Variants in CHST15 observed in about 807,000 individuals in gnomAD.
The protein encoded by CHST15 is carbohydrate sulfotransferase 15.
A neutral mutation model predicts 53.6 loss-of-function variants in CHST15; 30 were observed. The observed-to-expected ratio is 0.56, with a 90% confidence interval of 0.42 to 0.76. CHST15 has a LOEUF of 0.76. Ranked by LOEUF, CHST15 falls within the 30% of genes least tolerant of loss-of-function variation. The pLI is 0.00. For synonymous variants in CHST15, 296 were observed against 289.8 expected (o/e 1.02, Z -0.22); for missense variants, 627 against 740.5 (o/e 0.85, Z 1.78).
At chr10:124,023,846 GTT>G (rs35613050) in intron 5 of CHST15, among the ~76,000 whole-genome samples, 39 of 143,236 alleles carry the variant, frequency 2.7e-4, no homozygotes, top group East Asian at 1.3e-3. Context: ...TTCCGTCTTC[GTT>G]TTTTTTTTTT....
chr10:124,056,971 T>C (rs1948405901), intron 1 of CHST15, among the ~76,000 whole-genome samples: 1 of 151,384 alleles, frequency 6.6e-6, no homozygotes, highest in South Asian at 2.1e-4. Context: ...GGACACACTT[T>C]GACCCAGGCC....
At chr10:124,079,566 G>C (rs1025349639) in intron 1 of CHST15, among the ~76,000 whole-genome samples, 2 of 152,228 alleles carry the variant, frequency 1.3e-5, no homozygotes, top group African/African-American at 4.8e-5. Flanking sequence ...GTTAACAGCA[G>C]GACCTGGGAT....
intron 5 of CHST15, among the ~76,000 whole-genome samples, chr10:124,030,020 G>A (rs981190579): frequency 1.3e-5 from 2 of 152,204 alleles, no homozygotes; most frequent in African/African-American, 2.4e-5. Context: ...ACAATCATGT[G>A]GGAATACACA....
At chr10:124,081,137 T>C (rs934408269) in intron 1 of CHST15, among the ~76,000 whole-genome samples, 1 of 152,234 alleles carries the variant, frequency 6.6e-6, no homozygotes, top group South Asian at 2.1e-4. Flanking sequence ...TCAGGGAATC[T>C]GAACATGAAA....
At chr10:124,050,596 C>A (rs541433076) in intron 1 of CHST15, among the ~76,000 whole-genome samples, 1 of 152,170 alleles carries the variant, frequency 6.6e-6, no homozygotes, top group Non-Finnish European at 1.5e-5. Flanking sequence ...ATTGTCAGTG[C>A]CCCCTGGGGT....
rs565088789 is a variant in CHST15 at position 124,019,579 on chromosome 10, G to A, written c.1347+1677C>T. The A allele has an allele frequency of 3.8e-5, 7 of 186,270 alleles. No homozygotes were observed. The highest frequency in any genetic ancestry group is 9.5e-5 in the African/African-American group (4 of 42,022). 11.5% of individuals were successfully genotyped at this position (186,270 alleles called of 1,614,324 possible). A position where few individuals can be genotyped will look rare whatever the true frequency, so the allele number is the denominator to read the frequency against. ...AAGCACAAACACGCACAGGTTTCCC[G>A]TTTCTCCGGGTCTCCGTTTCCTTAT... is the stretch of plus-strand genomic sequence containing the variant. On this transcript the variant is annotated intron_variant, in intron 6 of 7. Coordinates refer to ENST00000435907, the MANE Select transcript of CHST15 (RefSeq NM_001270764.2). This position sits in a 1 kb window ranked among gnomAD's most constrained non-coding sequence, Gnocchi z 4.6.
At chr10:124,038,414 T>G in intron 5 of CHST15, 101 bp downstream of exon 5, 1 of 1,429,282 alleles carries the variant, frequency 7.0e-7, no homozygotes, top group Non-Finnish European at 9.7e-7. Context: ...CCTGTTTAAT[T>G]TTTTCTAAAG....
intron 3 of CHST15, among the ~76,000 whole-genome samples, chr10:124,044,250 C>T (rs1387995877): frequency 6.6e-6 from 1 of 151,918 alleles, no homozygotes; most frequent in African/African-American, 2.4e-5. Flanking sequence ...AGCCAAGAGC[C>T]CGGATCACGC....
rs1250855857 is a variant in CHST15, at chr10:124,036,588, T to A, written c.1190+1927A>T. On this transcript the variant is annotated intron_variant, in intron 5 of 7. Coordinates refer to ENST00000435907, the MANE Select transcript of CHST15 (RefSeq NM_001270764.2). This position sits in a 1 kb window ranked among gnomAD's most constrained non-coding sequence, Gnocchi z 5.1. ...TCAGAAGTGTGACCAGAGCAGACTT[T>A]AAAGCATGTTTCTGGGGGGCAACAA... is the stretch of plus-strand genomic sequence containing the variant. Among the ~76,000 whole-genome samples, 3 of 151,982 alleles carry A rather than the reference T, an allele frequency of 2.0e-5. No individual in the cohort carries two copies. In the South Asian group the frequency reaches 6.2e-4, roughly 32 times the overall value.
chr10:124,049,211 A>T (rs1475085926), intron 1 of CHST15, among the ~76,000 whole-genome samples: 1 of 152,188 alleles, frequency 6.6e-6, no homozygotes, highest in Non-Finnish European at 1.5e-5. Context: ...CCAATACAAG[A>T]TGAGGGATGT....
At chr10:124,084,336 C>G (rs1177770349) in intron 1 of CHST15, among the ~76,000 whole-genome samples, 1 of 152,180 alleles carries the variant, frequency 6.6e-6, no homozygotes, top group Non-Finnish European at 1.5e-5. Context: ...CAGTTGGGGG[C>G]CCACCTGCAT....
At chr10:124,060,982 T>C (rs1461737559) in intron 1 of CHST15, among the ~76,000 whole-genome samples, 2 of 152,156 alleles carry the variant, frequency 1.3e-5, no homozygotes, top group South Asian at 2.1e-4. Flanking sequence ...CTGCTTCCTC[T>C]CATCTCTTTC....
intron 1 of CHST15, among the ~76,000 whole-genome samples, chr10:124,089,918 G>T (rs1390033191): frequency 6.6e-6 from 1 of 152,212 alleles, no homozygotes; most frequent in African/African-American, 2.4e-5. Context: ...ATATGAAAAG[G>T]TTCATGCAGA....
intron 1 of CHST15, among the ~76,000 whole-genome samples, chr10:124,078,349 C>A (rs1949138019): frequency 6.6e-6 from 1 of 152,202 alleles, no homozygotes; most frequent in Admixed American, 6.5e-5. Context: ...GTTCTTACAT[C>A]TGTAAAATGG....
Position 124,021,274 on chromosome 10 carries a change from G to A in CHST15, c.1329C>T (p.Thr443=). 1.9e-6 allele frequency: 3 copies of A among 1,611,720 alleles called. No individual in the cohort carries two copies. Among genetic ancestry groups the A allele is most frequent in the Non-Finnish European group, 1.7e-6 (2 of 1,178,794 alleles). Residue 443 remains threonine, a synonymous_variant, in exon 6 of 8, where the codon ACC becomes ACT. Transcript: ENST00000435907. ...YSLRACVYNN[T]LNNAMPVRLQ... is the part of the protein sequence containing the mutation. ...TACACACAGGCATGGCGTTGTTGAG[G>A]GTGTTGTTGTAGACGCAGGCGCGCA...
At position 124,008,896 on chromosome 10, in the gene CHST15, C is replaced by T. The variant is rs1461199412; in HGVS notation, c.*1253G>A. On this transcript the variant is annotated 3_prime_UTR_variant, in exon 8 of 8. Transcript: ENST00000435907. ...CCAAGAAACGACAAGATCTCTAGCC[C>T]ATCCATCGGTAAACCAAGCTGCCAA... is the stretch of plus-strand genomic sequence containing the variant. The T allele has an allele frequency of 1.6e-5, 20 of 1,286,170 alleles. No individual in the cohort carries two copies. The highest frequency in any genetic ancestry group is 1.4e-5 in the Non-Finnish European group (14 of 986,272). The allele number at this position is 1,286,170 out of a possible 1,614,324, so 79.7% of individuals were successfully genotyped here. A position where few individuals can be genotyped will look rare whatever the true frequency, so the allele number is the denominator to read the frequency against.
At chr10:124,020,337 T>G in intron 6 of CHST15, 1 of 985,448 alleles carries the variant, frequency 1.0e-6, no homozygotes, top group Non-Finnish European at 1.2e-6. Context: ...TTCCAAAGTG[T>G]ACTCCTCCTA....
intron 5 of CHST15, among the ~76,000 whole-genome samples, chr10:124,030,037 C>T (rs1947165468): frequency 6.6e-6 from 1 of 152,228 alleles, no homozygotes; most frequent in Non-Finnish European, 1.5e-5. Flanking sequence ...CACAGGACTG[C>T]CAAGGACTTC....
chr10:124,086,343 C>T (rs1949424257), intron 1 of CHST15, among the ~76,000 whole-genome samples: 1 of 152,240 alleles, frequency 6.6e-6, no homozygotes, highest in East Asian at 1.9e-4. Flanking sequence ...CTGTTCTCCG[C>T]CACCCCAGAT....
Sources: allele counts gnomAD v4.1 joint callset (sites outside exome capture counted in the v4.1 genomes callset), GRCh38; gene constraint gnomAD v4.1.1; non-coding constraint Gnocchi (gnomAD v3.1); transcripts MANE v1.5; gene names NCBI Gene and HGNC (gene_info 2026-07-23, HGNC 2026-07-21).